Variants in PTPRT observed in about 807,000 individuals in gnomAD.
PTPRT encodes receptor-type tyrosine-protein phosphatase T.
In PTPRT, 56 loss-of-function variants were observed where a neutral mutation model predicts 176.8. That is an observed-to-expected ratio of 0.32 (90% CI 0.26 to 0.40). The LOEUF (loss-of-function observed/expected upper bound fraction) is 0.40, where lower values mean the gene tolerates loss of function less well. Among genes scored for constraint, PTPRT ranks in the 10% least tolerant of loss-of-function variants. PTPRT has a pLI of 1.00. For missense variants in PTPRT, 1,540 were observed against 1,908.2 expected (o/e 0.81, Z 3.60); for synonymous variants, 783 against 739.0 (o/e 1.06, Z -0.96).
At chr20:42,063,263 G>A in the PTPRT span, among the ~76,000 whole-genome samples, 27 of 152,258 alleles carry the variant, frequency 1.8e-4, no homozygotes, top group African/African-American at 5.1e-4. Context: ...TTTCCCCTCC[G>A]AAGGCACCCA....
At chr20:42,291,492 T>C (rs899128072) in intron 12 of PTPRT, among the ~76,000 whole-genome samples, 2 of 152,158 alleles carry the variant, frequency 1.3e-5, no homozygotes, top group Admixed American at 1.3e-4. Context: ...TACAGTAAAC[T>C]AAATGAGGTT....
At chr20:42,450,767 G>C (rs1339143805) in intron 8 of PTPRT, among the ~76,000 whole-genome samples, 1 of 152,082 alleles carries the variant, frequency 6.6e-6, no homozygotes, top group East Asian at 1.9e-4. Context: ...GACAGCGATG[G>C]ACACTAGAGA....
intron 16 of PTPRT, among the ~76,000 whole-genome samples, chr20:42,165,466 C>T (rs1989785657): frequency 6.6e-6 from 1 of 152,072 alleles, no homozygotes; most frequent in African/African-American, 2.4e-5. Context: ...GAAGGATGTG[C>T]CATGGGGTTT....
intron 17 of PTPRT, among the ~76,000 whole-genome samples, chr20:42,157,652 G>T (rs1008335891): frequency 1.3e-5 from 2 of 151,944 alleles, no homozygotes; most frequent in Middle Eastern, 3.2e-3. Context: ...TGCTCTGCAT[G>T]CTCCTCTAGA....
intron 1 of PTPRT, among the ~76,000 whole-genome samples, chr20:42,954,754 G>A (rs760165581): frequency 6.6e-6 from 1 of 152,118 alleles, no homozygotes; most frequent in Non-Finnish European, 1.5e-5. Flanking sequence ...AATTTGACCT[G>A]AGCTGAGCAA....
At chr20:42,136,106 T>C (rs1988361980) in intron 18 of PTPRT, among the ~76,000 whole-genome samples, 1 of 152,108 alleles carries the variant, frequency 6.6e-6, no homozygotes, top group Non-Finnish European at 1.5e-5. Context: ...AAACCTGTCA[T>C]CTCAACCCAC....
intron 1 of PTPRT, among the ~76,000 whole-genome samples, chr20:42,989,066 A>C (rs986429289): frequency 6.6e-6 from 1 of 152,252 alleles, no homozygotes; most frequent in African/African-American, 2.4e-5. Context: ...TGTGTGAATG[A>C]ATTAGTAAAT....
intron 9 of PTPRT, among the ~76,000 whole-genome samples, chr20:42,419,241 CAG>C (rs1430943497): frequency 6.6e-6 from 1 of 152,166 alleles, no homozygotes; most frequent in Non-Finnish European, 1.5e-5. Flanking sequence ...GTGGCCAAGA[CAG>C]AGGTTGAGCC....
chr20:43,124,933 T>A (rs961141781), intron 1 of PTPRT, among the ~76,000 whole-genome samples: 1 of 152,156 alleles, frequency 6.6e-6, no homozygotes, highest in African/African-American at 2.4e-5. Flanking sequence ...AGCATTGTCC[T>A]AATTTTATGA....
At chr20:42,685,982 C>T (rs766564116) in intron 6 of PTPRT, 2 of 152,152 alleles carry the variant, frequency 1.3e-5, no homozygotes, top group Non-Finnish European at 2.9e-5. Flanking sequence ...ATCCATTTTC[C>T]CAGCAAGTTC....
At chr20:42,563,288 T>A (rs2145657515) in intron 7 of PTPRT, among the ~76,000 whole-genome samples, 1 of 152,248 alleles carries the variant, frequency 6.6e-6, no homozygotes, top group Admixed American at 6.5e-5. Flanking sequence ...AAGAAAAAGT[T>A]GCTCAACATA....
intron 7 of PTPRT, among the ~76,000 whole-genome samples, chr20:42,633,784 A>AAAATAT (rs1437724208): frequency 9.4e-5 from 5 of 53,372 alleles, no homozygotes; most frequent in Non-Finnish European, 1.5e-4. Flanking sequence ...AGACTCTGAA[A>AAAATAT]ATATATATAT....
downstream of PTPRT, among the ~76,000 whole-genome samples, chr20:42,069,873 A>C (rs1982248118): frequency 6.6e-6 from 1 of 152,142 alleles, no homozygotes; most frequent in Non-Finnish European, 1.5e-5. Context: ...TTATAATCCC[A>C]TGCTTTTCTC....
intron 1 of PTPRT, among the ~76,000 whole-genome samples, chr20:43,019,980 T>C (rs1177356809): frequency 6.6e-6 from 1 of 151,906 alleles, no homozygotes; most frequent in East Asian, 1.9e-4. Context: ...CCTTCAGACG[T>C]GGACCAATCC....
At chr20:42,946,177 G>A (rs552210518) in intron 1 of PTPRT, among the ~76,000 whole-genome samples, 55 of 152,198 alleles carry the variant, frequency 3.6e-4, no homozygotes, top group Non-Finnish European at 6.2e-4. Flanking sequence ...TAAGAAATGG[G>A]GACATCGGAA....
intron 9 of PTPRT, among the ~76,000 whole-genome samples, chr20:42,432,670 G>T (rs2145806278): frequency 6.6e-6 from 1 of 152,302 alleles, no homozygotes; most frequent in Non-Finnish European, 1.5e-5. Flanking sequence ...CATCAATCCA[G>T]CTACATAGCA....
At chr20:43,042,869 A>C (rs1424865537) in intron 1 of PTPRT, among the ~76,000 whole-genome samples, 1 of 151,856 alleles carries the variant, frequency 6.6e-6, no homozygotes, top group Non-Finnish European at 1.5e-5. Context: ...GATCATCTCA[A>C]CTGTGGTTTT....
At chr20:43,186,492 T>G (rs1201507368) in intron 1 of PTPRT, among the ~76,000 whole-genome samples, 1 of 152,184 alleles carries the variant, frequency 6.6e-6, no homozygotes. Flanking sequence ...ATCCTGTGCT[T>G]GAAAGAGTGA....
chr20:42,855,589 A>C (rs1189037776), intron 2 of PTPRT, among the ~76,000 whole-genome samples: 1 of 144,980 alleles, frequency 6.9e-6, no homozygotes, highest in Non-Finnish European at 1.5e-5. Context: ...GCGCCACCAC[A>C]CCCAGCTGAT....
Sources: allele counts gnomAD v4.1 joint callset (sites outside exome capture counted in the v4.1 genomes callset), GRCh38; gene constraint gnomAD v4.1.1; transcripts MANE v1.5; gene names NCBI Gene and HGNC (gene_info 2026-07-23, HGNC 2026-07-21).